NCAPG2: variants seen among roughly 807,000 people sequenced by gnomAD.
NCAPG2 encodes the protein non-SMC condensin II complex subunit G2, also known as condensin-2 complex subunit G2.
NCAPG2 carries 53 observed loss-of-function variants against 141.1 expected under a neutral mutation model. The ratio of observed to expected loss-of-function variants is 0.38; its 90% CI spans 0.30 to 0.47. The LOEUF is 0.47. Among genes scored for constraint, NCAPG2 ranks in the 20% least tolerant of loss-of-function variants. The pLI, the probability that NCAPG2 is intolerant of heterozygous loss-of-function variation, is 0.99. For synonymous variants in NCAPG2, 499 were observed against 490.7 expected (o/e 1.02, Z -0.22); for missense variants, 1,087 against 1,389.0 (o/e 0.78, Z 3.46).
rs1587253754 is a variant in NCAPG2 at position 158,680,793 on chromosome 7, T to C, written c.948A>G (p.Gln316=). 3.7e-6 allele frequency: 6 copies of C among 1,605,420 alleles called. No individual in the cohort carries two copies. The East Asian group carries it at 1.1e-4, about 30-fold the overall frequency. ...CTTCCACTCCCTGCCGAACTTTCTTTTGATGGTGAAAGTAACTCAGAACCT... is the reference window on the plus strand; with the variant it reads ...CTTCCACTCCCTGCCGAACTTTCTTCTGATGGTGAAAGTAACTCAGAACCT... ...VREVLSYFHH[Q]KKVRQGVEEM... is the part of the protein sequence containing the mutation. Residue 316 remains glutamine (Q), a synonymous_variant, in exon 10 of 28, where the codon CAA becomes CAG. Transcript: ENST00000356309.
At chr7:158,689,222 CTATT>C (rs1201110745) in intron 6 of NCAPG2, among the ~76,000 whole-genome samples, 3 of 152,002 alleles carry the variant, frequency 2.0e-5, no homozygotes, top group Non-Finnish European at 2.9e-5. Context: ...AAAATATTGT[CTATT>C]ATATTAAGTA....
intron 4 of NCAPG2, among the ~76,000 whole-genome samples, chr7:158,692,236 G>A (rs979684961): frequency 1.3e-5 from 2 of 152,150 alleles, no homozygotes; most frequent in African/African-American, 4.8e-5. Flanking sequence ...GAGGCCAGGA[G>A]GTCAGGGCTA....
intron 27 of NCAPG2, 120 bp from the exon 28 acceptor site, chr7:158,631,837 A>T (rs1030077790): frequency 7.4e-5 from 58 of 785,746 alleles, no homozygotes; most frequent in Non-Finnish European, 1.1e-4. Flanking sequence ...AACAAAGTTG[A>T]AATAATCTAT....
At chr7:158,653,926 CGTTAGGG>C (rs1418977880) in intron 22 of NCAPG2, among the ~76,000 whole-genome samples, 1 of 151,942 alleles carries the variant, frequency 6.6e-6, no homozygotes, top group Non-Finnish European at 1.5e-5. Context: ...GGAGGCTGGC[CGTTAGGG>C]GTTAGGGAGT....
At chr7:158,679,057 T>C (rs1834283509) in intron 11 of NCAPG2, among the ~76,000 whole-genome samples, 2 of 152,210 alleles carry the variant, frequency 1.3e-5, no homozygotes, top group South Asian at 4.1e-4. Flanking sequence ...GGTCTCACTA[T>C]GTTGCCCAGA....
chr7:158,667,136 C>G lies in NCAPG2; in HGVS notation c.1480-2386G>C, dbSNP rs117251113. The G allele has an allele frequency of 5.1e-6, 5 of 985,192 alleles. No homozygotes were observed. In the South Asian group the frequency reaches 2.3e-4, roughly 46 times the overall value. 61.0% of individuals were successfully genotyped at this position (985,192 alleles called of 1,614,324 possible). A position where few individuals can be genotyped will look rare whatever the true frequency, so the allele number is the denominator to read the frequency against. ...ATTAGCTTGCATGCTCGTCACAAAC[C>G]TTTCCAGACACCTCACAACCAAATG... On this transcript the variant is annotated intron_variant, in intron 13 of 27. Transcript: ENST00000356309.
At chr7:158,667,573 C>T (rs1157033128) in intron 13 of NCAPG2, among the ~76,000 whole-genome samples, 2 of 24,486 alleles carry the variant, frequency 8.2e-5, no homozygotes, top group Admixed American at 5.3e-4. Flanking sequence ...TGGGTCCCTC[C>T]GCCCTCCCTT....
At chr7:158,667,234 C>T (rs1015662553) in intron 13 of NCAPG2, 5 of 985,310 alleles carry the variant, frequency 5.1e-6, no homozygotes, top group Non-Finnish European at 6.0e-6. Context: ...GCTCTGGCGC[C>T]CAAACTTCCT....
intron 12 of NCAPG2, among the ~76,000 whole-genome samples, chr7:158,672,079 A>T (rs1833721046): frequency 6.6e-6 from 1 of 151,890 alleles, no homozygotes; most frequent in African/African-American, 2.4e-5. Context: ...GAGGGAACAG[A>T]GCCAGCGTGT....
Position 158,674,853 on chromosome 7 carries a change from CCT to C in NCAPG2, c.1326+622_1326+623del, listed in dbSNP as rs368208147. Among the ~76,000 whole-genome samples, 50 of 152,326 alleles carry C rather than the reference CCT, an allele frequency of 3.3e-4. No homozygotes were observed. The East Asian group carries it at 9.5e-3, about 29-fold the overall frequency. ...TACCTCAAGAAATTCTCTGAATTGG[CCT>C]CTCTGAGAGCTTTACAGATTCTCCA... On this transcript the variant is annotated intron_variant, in intron 12 of 27. Transcript: ENST00000356309.
Position 158,669,767 on chromosome 7 carries a change from T to TAAAAAAAA in NCAPG2, c.1479+1746_1479+1747insTTTTTTTT, listed in dbSNP as rs1563545647. ...CTGGGTGACAGAGCGAGACTCTGTC[T>TAAAAAAAA]CAAAAAAAAAAAAAAAAAAAAAAAA... On this transcript the variant is annotated intron_variant, in intron 13 of 27. Coordinates refer to ENST00000356309, the MANE Select transcript of NCAPG2 (RefSeq NM_017760.7). Among the ~76,000 whole-genome samples, 149 of 20,472 alleles carry TAAAAAAAA rather than the reference T, an allele frequency of 7.3e-3. 1 individual carries two copies. The highest frequency in any genetic ancestry group is 0.03 in the South Asian group (8 of 264). 13.4% of individuals were successfully genotyped at this position (20,472 alleles called of 152,430 possible).
intron 2 of NCAPG2, chr7:158,696,329 G>T (rs976216370): frequency 2.0e-5 from 3 of 152,166 alleles, no homozygotes; most frequent in Non-Finnish European, 2.9e-5. Context: ...CTTTCTGAAG[G>T]CCACTTCCTC....
Position 158,646,447 on chromosome 7 carries a change from A to G in NCAPG2, c.3179+13T>C, listed in dbSNP as rs778871831. 1.9e-6 allele frequency: 3 copies of G among 1,577,874 alleles called. No individual in the cohort carries two copies. The South Asian group carries it at 3.4e-5, about 18-fold the overall frequency. On this transcript the variant is annotated intron_variant, in intron 25 of 27. Coordinates refer to ENST00000356309, the MANE Select transcript of NCAPG2 (RefSeq NM_017760.7). ...CGATGAGCATTTCAGGACAGTAAAG[A>G]GAAAGTGATTACCTGACCACATTCG...
rs913863331 is a variant in NCAPG2 at position 158,636,955 on chromosome 7, C to CT, written c.3381-5239dup. On this transcript the variant is annotated intron_variant, in intron 27 of 27. Transcript: ENST00000356309. ...TATTGGGTTTCCTCTTCTTCTTCTTCTTTTTTTTTTGAGACGGAGCCCTGC... is the reference window on the plus strand; with the variant it reads ...TATTGGGTTTCCTCTTCTTCTTCTTCTTTTTTTTTTTGAGACGGAGCCCTGC... Among the ~76,000 whole-genome samples, 1,125 of 148,298 alleles carry CT rather than the reference C, an allele frequency of 7.6e-3. 11 individuals carry two copies. Among genetic ancestry groups the CT allele is most frequent in the African/African-American group, 0.022 (909 of 40,600 alleles).
At chr7:158,690,472 G>A (rs1835046581) in intron 5 of NCAPG2, 96 bp downstream of exon 5, 13 of 1,241,766 alleles carry the variant, frequency 1.0e-5, no homozygotes, top group Non-Finnish European at 1.4e-5. Context: ...TCGAGCCCAG[G>A]AGTTTGAGGC....
At chr7:158,685,168 G>A (rs541512715) in intron 8 of NCAPG2, among the ~76,000 whole-genome samples, 9 of 152,038 alleles carry the variant, frequency 5.9e-5, no homozygotes, top group Non-Finnish European at 5.9e-5. Flanking sequence ...TGTCCAAAAG[G>A]GTATCTGGAT....
At chr7:158,659,754 T>C (rs1293688856) in intron 16 of NCAPG2, among the ~76,000 whole-genome samples, 1 of 152,082 alleles carries the variant, frequency 6.6e-6, no homozygotes, top group East Asian at 1.9e-4. Context: ...CAAAATTTGA[T>C]TAGGAATTAA....
intron 13 of NCAPG2, chr7:158,668,583 C>T (rs13243097): frequency 0.89 from 275,810 of 309,442 alleles, 123,063 homozygotes; most frequent in East Asian, 0.96. Context: ...AAAACAAGAT[C>T]GGACATAGCA....
At chr7:158,658,665 C>T (rs1254664167) in intron 16 of NCAPG2, among the ~76,000 whole-genome samples, 2 of 152,130 alleles carry the variant, frequency 1.3e-5, no homozygotes, top group African/African-American at 4.8e-5. Flanking sequence ...GCTATGTACC[C>T]AGTACCAATC....
Sources: gnomAD v4.1 joint callset for allele counts (sites outside exome capture counted in the v4.1 genomes callset) on GRCh38, gnomAD v4.1.1 for gene constraint, MANE v1.5 for transcripts, NCBI Gene and HGNC (gene_info 2026-07-23, HGNC 2026-07-21) for gene names.